The following MIS18A variants were observed in gnomAD, a reference collection of about 807,000 sequenced individuals.
MIS18A encodes the protein protein Mis18-alpha.
In MIS18A, 14 loss-of-function variants were observed where a neutral mutation model predicts 25.0. The ratio of observed to expected loss-of-function variants is 0.56; its 90% CI spans 0.37 to 0.88. The LOEUF (loss-of-function observed/expected upper bound fraction) is 0.88, where lower values mean the gene tolerates loss of function less well. Ranked by LOEUF, MIS18A falls within the 40% of genes least tolerant of loss-of-function variation. MIS18A has a pLI of 0.00. For synonymous variants in MIS18A, 134 were observed against 118.6 expected, an observed-to-expected ratio of 1.13 and a Z score of -0.84; for missense variants, 292 against 290.8, an observed-to-expected ratio of 1.00 and a Z score of -0.03.
At chr21:32,238,776 G>A in the MIS18A span, among the ~76,000 whole-genome samples, 51 of 152,160 alleles carry the variant, frequency 3.4e-4, no homozygotes, top group Non-Finnish European at 6.9e-4. Flanking sequence ...TAAGTCAAAA[G>A]CATTCTTTCC....
chr21:32,276,045 A>C (rs1215775885), intron 1 of MIS18A, among the ~76,000 whole-genome samples: 2 of 152,206 alleles, frequency 1.3e-5, no homozygotes, highest in African/African-American at 4.8e-5. Flanking sequence ...AACGCCTTGC[A>C]GTTTCTGATC....
chr21:32,217,720 T>C, the MIS18A span, among the ~76,000 whole-genome samples: 2 of 151,918 alleles, frequency 1.3e-5, no homozygotes, highest in Non-Finnish European at 2.9e-5. Context: ...AGCAAGACAG[T>C]AGAGATCCAT....
chr21:32,244,383 CATTTCA>C, the MIS18A span, among the ~76,000 whole-genome samples: 3 of 151,900 alleles, frequency 2.0e-5, no homozygotes, highest in Non-Finnish European at 4.4e-5. Flanking sequence ...TCAAATTGTA[CATTTCA>C]TTTTTTACTA....
At chr21:32,172,456 A>G in the MIS18A span, among the ~76,000 whole-genome samples, 1 of 152,066 alleles carries the variant, frequency 6.6e-6, no homozygotes, top group Admixed American at 6.5e-5. Context: ...CTATAGTAAC[A>G]CTTCACTATG....
chr21:32,221,887 A>G, the MIS18A span, among the ~76,000 whole-genome samples: 1 of 151,954 alleles, frequency 6.6e-6, no homozygotes, highest in African/African-American at 2.4e-5. Context: ...CAAGACTCCA[A>G]AAAAGAAAAA....
At chr21:32,169,686 C>A in the MIS18A span, among the ~76,000 whole-genome samples, 1 of 150,716 alleles carries the variant, frequency 6.6e-6, no homozygotes, top group Non-Finnish European at 1.5e-5. Context: ...CACACACACA[C>A]AGAGCCCCTC....
chr21:32,191,557 C>G, the MIS18A span, among the ~76,000 whole-genome samples: 6 of 152,042 alleles, frequency 3.9e-5, no homozygotes, highest in South Asian at 1.2e-3. Context: ...CATTCCAGCC[C>G]TAGGTGACAG....
the MIS18A span, among the ~76,000 whole-genome samples, chr21:32,234,452 C>T: frequency 2.6e-5 from 4 of 152,282 alleles, no homozygotes; most frequent in Admixed American, 2.6e-4. Flanking sequence ...AAGGTTCTTA[C>T]CAGAAGCTCT....
chr21:32,256,912 A>G, the MIS18A span, among the ~76,000 whole-genome samples: 2 of 138,854 alleles, frequency 1.4e-5, no homozygotes, highest in Non-Finnish European at 3.1e-5. Flanking sequence ...TTACAGAGGA[A>G]AAAAAAACAG....
chr21:32,214,898 C>T, the MIS18A span, among the ~76,000 whole-genome samples: 1 of 152,188 alleles, frequency 6.6e-6, no homozygotes, highest in Non-Finnish European at 1.5e-5. Context: ...GGTGGGATTC[C>T]CCCAGGTAAG....
At chr21:32,204,062 A>G in the MIS18A span, among the ~76,000 whole-genome samples, 2 of 152,226 alleles carry the variant, frequency 1.3e-5, no homozygotes, top group Non-Finnish European at 2.9e-5. Context: ...CAACTAGTCC[A>G]GCTGAAGGTG....
the MIS18A span, among the ~76,000 whole-genome samples, chr21:32,196,234 G>GA: frequency 6.6e-6 from 1 of 151,978 alleles, no homozygotes; most frequent in Non-Finnish European, 1.5e-5. Flanking sequence ...GGACTGAATG[G>GA]AAAAAAAGGC....
chr21:32,273,120 T>C (rs980001112), intron 2 of MIS18A, among the ~76,000 whole-genome samples: 1 of 151,866 alleles, frequency 6.6e-6, no homozygotes, highest in Non-Finnish European at 1.5e-5. Context: ...TTTTTCTTTT[T>C]TTTTTTTTTT....
chr21:32,224,064 A>G, the MIS18A span, among the ~76,000 whole-genome samples: 1 of 152,336 alleles, frequency 6.6e-6, no homozygotes, highest in South Asian at 2.1e-4. Flanking sequence ...AAGCCCTTCA[A>G]TAAAATTCAA....
At chr21:32,259,074 A>G in the MIS18A span, among the ~76,000 whole-genome samples, 1 of 151,718 alleles carries the variant, frequency 6.6e-6, no homozygotes, top group African/African-American at 2.4e-5. Context: ...TGGTCTTGCT[A>G]TGTCGCCCAG....
the MIS18A span, among the ~76,000 whole-genome samples, chr21:32,218,795 G>C: frequency 2.6e-5 from 4 of 152,224 alleles, no homozygotes; most frequent in East Asian, 7.7e-4. Flanking sequence ...ATATCGAAAT[G>C]GTAGAAATAA....
chr21:32,243,108 T>C, the MIS18A span, among the ~76,000 whole-genome samples: 1,851 of 152,246 alleles, frequency 0.012, 35 homozygotes, highest in African/African-American at 0.041. Context: ...TAAAAAAAAT[T>C]CAAAATAGAT....
chr21:32,264,474 A>T (rs951421337), downstream of MIS18A, among the ~76,000 whole-genome samples: 3 of 152,218 alleles, frequency 2.0e-5, no homozygotes, highest in African/African-American at 7.2e-5. Flanking sequence ...TATTTTTATG[A>T]TGTTTTACTG....
the MIS18A span, among the ~76,000 whole-genome samples, chr21:32,207,520 G>A: frequency 2.4e-3 from 373 of 152,246 alleles, 3 homozygotes; most frequent in African/African-American, 8.4e-3. Context: ...TGGTACAGCC[G>A]CTTGCCAGGA....
Sources: allele counts gnomAD v4.1 joint callset (sites outside exome capture counted in the v4.1 genomes callset), GRCh38; gene constraint gnomAD v4.1.1; transcripts MANE v1.5; gene names NCBI Gene and HGNC (gene_info 2026-07-23, HGNC 2026-07-21).